The following SRP9 variants were observed in gnomAD, a reference collection of about 807,000 sequenced individuals.
SRP9 encodes the protein signal recognition particle 9.
A neutral mutation model predicts 11.7 loss-of-function variants in SRP9; 2 were observed. The ratio of observed to expected loss-of-function variants is 0.17; its 90% CI spans 0.07 to 0.54. SRP9 has a LOEUF of 0.54. Ranked by LOEUF, SRP9 falls within the 20% of genes least tolerant of loss-of-function variation. The probability of loss-of-function intolerance (pLI) is 0.94; values close to 1 mark genes in which losing one functional copy is unlikely to be tolerated. For synonymous variants in SRP9, 27 were observed against 35.6 expected, an observed-to-expected ratio of 0.76 and a Z score of 0.86; for missense variants, 54 against 108.1, an observed-to-expected ratio of 0.50 and a Z score of 2.22.
Position 225,790,012 on chromosome 1 carries a change from G to C in SRP9, c.*653G>C, listed in dbSNP as rs1334766046. On this transcript the variant is annotated 3_prime_UTR_variant, in exon 3 of 3. Transcript: ENST00000304786. The stretch of plus-strand genomic sequence containing the variant: ...AATGACTTTGAATCTAGTTTTCAGT[G>C]ATCAGAAGCAGCAGTTATTTGAGTG... 2.0e-5 allele frequency: 3 copies of C among 152,256 alleles called. No individual in the cohort carries two copies. The East Asian group carries it at 5.8e-4, about 29-fold the overall frequency. The allele number at this position is 152,256 out of a possible 1,614,324, so 9.4% of individuals were successfully genotyped here.
chr1:225,777,894 C>T lies in SRP9; in HGVS notation c.-47C>T, dbSNP rs1487614982. The T allele has an allele frequency of 3.8e-6, 6 of 1,559,972 alleles. No homozygotes were observed. Among genetic ancestry groups the T allele is most frequent in the South Asian group, 2.2e-5 (2 of 89,280 alleles). On this transcript the variant is annotated 5_prime_UTR_variant, in exon 1 of 3. Coordinates refer to ENST00000304786, the MANE Select transcript of SRP9 (RefSeq NM_003133.6). ...CCCGGACGTAGGTAGTTTGTTGGGC[C>T]GGGTTCTGAGGCCTTGCTTCTCTTT... is the stretch of plus-strand genomic sequence containing the variant.
At chr1:225,786,523 A>G (rs1255253353) in intron 2 of SRP9, among the ~76,000 whole-genome samples, 2 of 152,200 alleles carry the variant, frequency 1.3e-5, no homozygotes, top group Non-Finnish European at 2.9e-5. Flanking sequence ...GACTGCATGA[A>G]GTTAGACCTT....
In SRP9 at chr1:225,789,837, ATT is replaced by A. The variant is rs1665992273; in HGVS notation, c.*479_*480del. The A allele has an allele frequency of 6.3e-6, 1 of 158,856 alleles. No individual in the cohort carries two copies. Among genetic ancestry groups the A allele is most frequent in the Non-Finnish European group, 1.4e-5 (1 of 71,726 alleles). The allele number at this position is 158,856 out of a possible 1,614,324, so 9.8% of individuals were successfully genotyped here. On this transcript the variant is annotated 3_prime_UTR_variant, in exon 3 of 3. Transcript: ENST00000304786. ...GAATTAACTCCACACCATAGTATGC[ATT>A]GTTATACATACTGTGTACCTAATTA...
chr1:225,778,067 C>T, intron 1 of SRP9, 55 bp downstream of exon 1: 1 of 1,597,282 alleles, frequency 6.3e-7, no homozygotes, highest in Non-Finnish European at 8.6e-7. Context: ...GTCTTCCCGC[C>T]ATCCACTCGG....
At chr1:225,788,572 C>T (rs993148170) in intron 2 of SRP9, among the ~76,000 whole-genome samples, 2 of 152,030 alleles carry the variant, frequency 1.3e-5, no homozygotes, top group African/African-American at 2.4e-5. Context: ...CACGCCACCA[C>T]GCCCAGCTAA....
At chr1:225,785,454 C>T (rs1351523985) in intron 2 of SRP9, among the ~76,000 whole-genome samples, 1 of 151,808 alleles carries the variant, frequency 6.6e-6, no homozygotes, top group Non-Finnish European at 1.5e-5. Flanking sequence ...GCAATCTCGG[C>T]TCACTGCAAA....
chr1:225,782,730 C>G (rs1226372517), intron 1 of SRP9, among the ~76,000 whole-genome samples: 1 of 152,154 alleles, frequency 6.6e-6, no homozygotes, highest in Non-Finnish European at 1.5e-5. Context: ...GACTTCAAGG[C>G]AGAATTCTGC....
chr1:225,778,111 C>A, intron 1 of SRP9, 99 bp downstream of exon 1: 1 of 1,345,894 alleles, frequency 7.4e-7, no homozygotes, highest in Non-Finnish European at 1.0e-6. Context: ...CCAGGAGGTG[C>A]TGGGAATGAA....
chr1:225,788,416 T>G (rs984025552), intron 2 of SRP9, among the ~76,000 whole-genome samples: 1 of 79,276 alleles, frequency 1.3e-5, no homozygotes, highest in Non-Finnish European at 2.8e-5. Flanking sequence ...AAATCAAGAT[T>G]TTTTTTTTTT....
chr1:225,789,019 G>GT (rs1347005162), intron 2 of SRP9: 1 of 1,550,438 alleles, frequency 6.4e-7, no homozygotes, highest in Non-Finnish European at 8.7e-7. Context: ...ACTTCATTCA[G>GT]TTTTTTGTCC....
chr1:225,784,547 C>T (rs528983955), intron 2 of SRP9, among the ~76,000 whole-genome samples: 2 of 151,916 alleles, frequency 1.3e-5, no homozygotes, highest in South Asian at 4.2e-4. Flanking sequence ...CCCCACCCGG[C>T]CTATCATCTG....
intron 2 of SRP9, among the ~76,000 whole-genome samples, chr1:225,787,840 C>T (rs1191959116): frequency 6.6e-6 from 1 of 152,022 alleles, no homozygotes. Flanking sequence ...TACAAGATTG[C>T]CGCACAAATT....
intron 2 of SRP9, among the ~76,000 whole-genome samples, chr1:225,784,078 GA>G (rs1336658617): frequency 6.6e-6 from 1 of 151,364 alleles, no homozygotes; most frequent in Non-Finnish European, 1.5e-5. Flanking sequence ...ACAGCTTCTG[GA>G]GCAGTTCATT....
chr1:225,787,114 G>GATT (rs1178081983), intron 2 of SRP9: 1 of 268,988 alleles, frequency 3.7e-6, no homozygotes, highest in Non-Finnish European at 7.3e-6. Context: ...AAACCACTGG[G>GATT]ATTATGGGTG....
chr1:225,786,440 T>C (rs1665918645), intron 2 of SRP9, among the ~76,000 whole-genome samples: 1 of 152,244 alleles, frequency 6.6e-6, no homozygotes, highest in Non-Finnish European at 1.5e-5. Context: ...GAAAATTTTA[T>C]AGAGTGATTT....
chr1:225,778,690 G>T (rs1665734201), intron 1 of SRP9, among the ~76,000 whole-genome samples: 1 of 152,210 alleles, frequency 6.6e-6, no homozygotes, highest in Admixed American at 6.5e-5. Flanking sequence ...AAAAGCAAAG[G>T]AGTCCAAGTG....
chr1:225,784,014 G>A (rs1359749206), intron 2 of SRP9, among the ~76,000 whole-genome samples: 1 of 149,304 alleles, frequency 6.7e-6, no homozygotes, highest in Admixed American at 6.7e-5. Context: ...TTTTTTTGAT[G>A]TGCCCCATAT....
chr1:225,783,393 C>T lies in SRP9; in HGVS notation c.141+25C>T, dbSNP rs568007398. The T allele has an allele frequency of 4.6e-6, 7 of 1,538,326 alleles. No individual in the cohort carries two copies. The South Asian group carries it at 6.8e-5, about 15-fold the overall frequency. On this transcript the variant is annotated intron_variant, in intron 2 of 2. Coordinates refer to ENST00000304786, the MANE Select transcript of SRP9 (RefSeq NM_003133.6). The stretch of plus-strand genomic sequence containing the variant: ...TGTAAGTATACATTTTTATTTGTTA[C>T]ATACTTTCAGATTTGTTTGAGTTAA...
chr1:225,787,322 C>T (rs1057315721), intron 2 of SRP9, among the ~76,000 whole-genome samples: 2 of 152,062 alleles, frequency 1.3e-5, no homozygotes, highest in African/African-American at 4.8e-5. Context: ...ATCATGAGGT[C>T]AGGAGTTCGA....
Sources: allele counts gnomAD v4.1 joint callset (sites outside exome capture counted in the v4.1 genomes callset), GRCh38; gene constraint gnomAD v4.1.1; transcripts MANE v1.5; gene names NCBI Gene and HGNC (gene_info 2026-07-23, HGNC 2026-07-21).